SLX4IP: variants seen among roughly 807,000 people sequenced by gnomAD.
SLX4IP encodes the protein SLX4 interacting protein, also known as protein SLX4IP.
In SLX4IP, 34 loss-of-function variants were observed where a neutral mutation model predicts 32.9. The observed-to-expected ratio is 1.03, with a 90% CI of 0.79 to 1.38. The LOEUF (loss-of-function observed/expected upper bound fraction) is 1.38. Among genes scored for constraint, SLX4IP ranks in the 40% most tolerant of loss-of-function variants. The pLI is 0.00. For missense variants in SLX4IP, 444 were observed against 479.0 expected (o/e 0.93, Z 0.68); for synonymous variants, 172 against 171.7 (o/e 1.00, Z -0.01).
intron 2 of SLX4IP, among the ~76,000 whole-genome samples, chr20:10,507,969 T>C (rs1166537045): frequency 1.3e-5 from 2 of 151,796 alleles, no homozygotes; most frequent in East Asian, 1.9e-4. Flanking sequence ...ATATTTGATA[T>C]ATATATACAC....
At chr20:10,501,858 A>T (rs912214498) in intron 2 of SLX4IP, among the ~76,000 whole-genome samples, 1 of 152,240 alleles carries the variant, frequency 6.6e-6, no homozygotes, top group East Asian at 1.9e-4. Context: ...GTATTTTGTT[A>T]TAAGACTTTT....
chr20:10,613,822 C>A lies in SLX4IP; in HGVS notation c.406-7492C>A, dbSNP rs144272138. ...ATGTCACCCTTGAAGTCCAGATAGG[C>A]CTGCTTAATATCAGCCAGCTCTTCT... On this transcript the variant is annotated intron_variant, in intron 6 of 7. Transcript: ENST00000334534. 54 of 1,611,078 alleles carry A rather than the reference C, an allele frequency of 3.4e-5. No homozygotes were observed. The East Asian group carries it at 1.1e-3, about 32-fold the overall frequency.
At chr20:10,551,914 A>G (rs144361850) in intron 2 of SLX4IP, among the ~76,000 whole-genome samples, 4 of 152,324 alleles carry the variant, frequency 2.6e-5, no homozygotes, top group African/African-American at 9.6e-5. Context: ...GATTTCCCAG[A>G]TATGCATTGA....
intron 1 of SLX4IP, among the ~76,000 whole-genome samples, chr20:10,437,154 A>T (rs2065122274): frequency 1.3e-5 from 2 of 151,956 alleles, no homozygotes; most frequent in Non-Finnish European, 2.9e-5. Context: ...GAGACAGGGT[A>T]TAACCCTGTT....
intron 6 of SLX4IP, among the ~76,000 whole-genome samples, chr20:10,618,691 G>T (rs77311778): frequency 0.024 from 3,656 of 152,270 alleles, 100 homozygotes; most frequent in Admixed American, 0.088. Flanking sequence ...TACAAGACAT[G>T]ATGGGATCAT....
chr20:10,601,585 C>A, intron 5 of SLX4IP, 146 bp from the exon 6 acceptor site: 1 of 642,242 alleles, frequency 1.6e-6, no homozygotes, highest in Non-Finnish European at 2.7e-6. Flanking sequence ...ACGGCAAACA[C>A]CGAAAGGATG....
chr20:10,558,527 A>G (rs1245457119), intron 3 of SLX4IP, among the ~76,000 whole-genome samples: 2 of 152,138 alleles, frequency 1.3e-5, no homozygotes, highest in East Asian at 1.9e-4. Flanking sequence ...TGAGCAACCA[A>G]TTTGATTCCA....
intron 6 of SLX4IP, among the ~76,000 whole-genome samples, chr20:10,618,119 C>T (rs2067060143): frequency 6.6e-6 from 1 of 152,210 alleles, no homozygotes; most frequent in Non-Finnish European, 1.5e-5. Context: ...CATTGTCATA[C>T]TCAAACATTC....
chr20:10,552,161 C>T (rs1402146904), intron 2 of SLX4IP, among the ~76,000 whole-genome samples: 4 of 152,150 alleles, frequency 2.6e-5, no homozygotes, highest in African/African-American at 4.8e-5. Context: ...CTGGGGGACT[C>T]GCAGCCCAGT....
intron 2 of SLX4IP, among the ~76,000 whole-genome samples, chr20:10,469,094 T>C (rs1410484511): frequency 6.6e-6 from 1 of 152,240 alleles, no homozygotes; most frequent in African/African-American, 2.4e-5. Context: ...TGTGTTGGGC[T>C]GCATTCAAAG....
intron 2 of SLX4IP, among the ~76,000 whole-genome samples, chr20:10,544,675 C>A (rs1453083686): frequency 6.6e-6 from 1 of 152,154 alleles, no homozygotes; most frequent in African/African-American, 2.4e-5. Flanking sequence ...GCGTGAGCCA[C>A]CATGCTCAGC....
intron 4 of SLX4IP, among the ~76,000 whole-genome samples, chr20:10,585,816 C>G (rs2066639351): frequency 6.6e-6 from 1 of 152,094 alleles, no homozygotes; most frequent in Admixed American, 6.5e-5. Context: ...GTCTCGAACT[C>G]CTAACCTCAG....
At chr20:10,464,327 C>T (rs912042705) in intron 2 of SLX4IP, among the ~76,000 whole-genome samples, 2 of 151,986 alleles carry the variant, frequency 1.3e-5, no homozygotes, top group Non-Finnish European at 2.9e-5. Context: ...CAGCTTGAGA[C>T]CTCACTTTGA....
At chr20:10,443,312 C>A (rs899393269) in intron 1 of SLX4IP, among the ~76,000 whole-genome samples, 62 of 152,176 alleles carry the variant, frequency 4.1e-4, no homozygotes, top group African/African-American at 1.4e-3. Context: ...AACAGTGCCA[C>A]ACCCCAAATA....
intron 2 of SLX4IP, among the ~76,000 whole-genome samples, chr20:10,526,402 C>A (rs1474815026): frequency 6.6e-6 from 1 of 152,130 alleles, no homozygotes; most frequent in Non-Finnish European, 1.5e-5. Context: ...TGTCATGATC[C>A]TTTTTGGGAT....
rs1203653004 is a variant in SLX4IP at position 10,623,503 on chromosome 20, T to C, written c.*124T>C. ...TAGAATGACTAATTTAAATAGGAAGTGTGTTATCTGTGTTATGGCTATGGT... is the reference window on the plus strand; with the variant it reads ...TAGAATGACTAATTTAAATAGGAAGCGTGTTATCTGTGTTATGGCTATGGT... On this transcript the variant is annotated 3_prime_UTR_variant, in exon 8 of 8. Transcript: ENST00000334534. The C allele has an allele frequency of 5.3e-6, 7 of 1,315,894 alleles. No individual in the cohort carries two copies. The East Asian group carries it at 1.7e-4, about 33-fold the overall frequency. The allele number at this position is 1,315,894 out of a possible 1,614,324, so 81.5% of individuals were successfully genotyped here.
intron 2 of SLX4IP, among the ~76,000 whole-genome samples, chr20:10,473,013 G>C (rs2065438985): frequency 6.6e-6 from 1 of 152,172 alleles, no homozygotes; most frequent in Non-Finnish European, 1.5e-5. Context: ...ATTGTCCTTA[G>C]AACATTGTTG....
intron 4 of SLX4IP, among the ~76,000 whole-genome samples, chr20:10,583,159 C>T (rs2066604229): frequency 6.6e-6 from 1 of 152,074 alleles, no homozygotes; most frequent in South Asian, 2.1e-4. Context: ...TCCCTGCTCC[C>T]CCAACTATTT....
intron 6 of SLX4IP, among the ~76,000 whole-genome samples, chr20:10,604,523 C>T (rs1355549944): frequency 6.6e-6 from 1 of 152,240 alleles, no homozygotes; most frequent in Non-Finnish European, 1.5e-5. Context: ...GCACTTAGCT[C>T]CCCAGTACTT....
Sources: allele counts gnomAD v4.1 joint callset (sites outside exome capture counted in the v4.1 genomes callset), GRCh38; gene constraint gnomAD v4.1.1; transcripts MANE v1.5; gene names NCBI Gene and HGNC (gene_info 2026-07-23, HGNC 2026-07-21).